The following CD47 variants were observed in gnomAD, a reference collection of about 807,000 sequenced individuals.
CD47 encodes leukocyte surface antigen CD47.
CD47 carries 11 observed loss-of-function variants against 44.6 expected under a neutral mutation model. That is an observed-to-expected ratio of 0.25 (90% CI 0.16 to 0.41). The LOEUF is 0.41. CD47 is among the 10% of genes least tolerant of loss of function. The probability of loss-of-function intolerance (pLI) is 1.00; values close to 1 mark genes in which losing one functional copy is unlikely to be tolerated. For missense variants in CD47, 306 were observed against 386.7 expected (o/e 0.79, Z 1.75); for synonymous variants, 140 against 136.3 (o/e 1.03, Z -0.19).
intron 3 of CD47, among the ~76,000 whole-genome samples, chr3:108,068,692 G>A (rs1174813838): frequency 6.6e-6 from 1 of 152,166 alleles, no homozygotes; most frequent in Non-Finnish European, 1.5e-5. Flanking sequence ...AATAACAACA[G>A]TGTCTATGCC....
chr3:108,064,304 C>G (rs893457021), intron 3 of CD47, among the ~76,000 whole-genome samples: 1 of 152,036 alleles, frequency 6.6e-6, no homozygotes, highest in African/African-American at 2.4e-5. Context: ...GTATGTTACT[C>G]CCAAAACTTC....
intron 2 of CD47, among the ~76,000 whole-genome samples, chr3:108,073,582 G>A (rs2108257094): frequency 6.6e-6 from 1 of 152,310 alleles, no homozygotes; most frequent in South Asian, 2.1e-4. Context: ...GAAACCAAAG[G>A]ATGGCCATTG....
chr3:108,050,798 A>C (rs2078813205), intron 8 of CD47, 196 bp from the exon 9 acceptor site: 1 of 507,182 alleles, frequency 2.0e-6, no homozygotes, highest in Non-Finnish European at 3.7e-6. Context: ...TTAATAGTTT[A>C]ATAATAACTG....
At chr3:108,075,134 A>G (rs1044336707) in intron 2 of CD47, among the ~76,000 whole-genome samples, 2 of 152,210 alleles carry the variant, frequency 1.3e-5, no homozygotes, top group African/African-American at 4.8e-5. Flanking sequence ...AGCCAAGGAC[A>G]TTCACATCCT....
chr3:108,059,581 C>T (rs374595933), intron 4 of CD47, 37 bp from the exon 5 acceptor site: 140 of 1,100,004 alleles, frequency 1.3e-4, no homozygotes, highest in Non-Finnish European at 1.7e-4. Flanking sequence ...TATTTTCCTA[C>T]ATACTTTTTA....
intron 1 of CD47, among the ~76,000 whole-genome samples, chr3:108,087,618 T>C (rs1010800561): frequency 6.6e-6 from 1 of 152,138 alleles, no homozygotes; most frequent in East Asian, 1.9e-4. Context: ...TTGCTTGAAA[T>C]GGAAAAAAGT....
intron 3 of CD47, among the ~76,000 whole-genome samples, chr3:108,066,781 G>A (rs2079111948): frequency 6.6e-6 from 1 of 152,184 alleles, no homozygotes; most frequent in African/African-American, 2.4e-5. Flanking sequence ...CGACATTACT[G>A]CAATGCAAGA....
At chr3:108,070,846 C>T (rs1488554221) in intron 3 of CD47, among the ~76,000 whole-genome samples, 1 of 152,012 alleles carries the variant, frequency 6.6e-6, no homozygotes, top group East Asian at 1.9e-4. Context: ...AATATTCCTA[C>T]TATTCATTCT....
intron 7 of CD47, chr3:108,055,640 T>C (rs973205302): frequency 1.0e-5 from 8 of 803,984 alleles, no homozygotes; most frequent in Middle Eastern, 2.7e-4. Flanking sequence ...ATCAATAAAA[T>C]TGCACTAAAT....
intron 6 of CD47, 116 bp from the exon 7 acceptor site, chr3:108,057,685 C>T: frequency 1.8e-6 from 1 of 559,816 alleles, no homozygotes; most frequent in Non-Finnish European, 3.2e-6. Flanking sequence ...CAAAAATTAT[C>T]CATATATGTT....
chr3:108,076,831 A>T (rs1361920212), intron 2 of CD47, among the ~76,000 whole-genome samples: 1 of 152,196 alleles, frequency 6.6e-6, no homozygotes, highest in African/African-American at 2.4e-5. Flanking sequence ...AAATTTTGTT[A>T]AGTAAGAGAG....
intron 7 of CD47, chr3:108,052,923 G>C (rs1056628040): frequency 6.6e-6 from 1 of 152,562 alleles, no homozygotes; most frequent in South Asian, 2.1e-4. Context: ...AGCTGGGGTC[G>C]TGCCACTGCA....
chr3:108,047,360 A>G (rs2078737002), intron 10 of CD47, 68 bp from the exon 11 acceptor site: 1 of 1,316,200 alleles, frequency 7.6e-7, no homozygotes, highest in Non-Finnish European at 1.1e-6. Context: ...AAAAGTTGAC[A>G]CATTAAAAAA....
At position 108,048,835 on chromosome 3, in the gene CD47, G is replaced by A. The variant is rs146583690; in HGVS notation, c.967+784C>T. ...TATAAAGCAAACTATTTACATGACC[G>A]AGGAGTGATTATAAATATCAAAGGT... On this transcript the variant is annotated intron_variant, in intron 10 of 10. Transcript: ENST00000361309. 1.3e-4 allele frequency among the ~76,000 whole-genome samples: 20 copies of A among 152,236 alleles called. No individual in the cohort carries two copies. In the East Asian group the frequency reaches 3.7e-3, roughly 28 times the overall value.
chr3:108,055,522 T>TG, intron 7 of CD47: 1 of 1,302,054 alleles, frequency 7.7e-7, no homozygotes, highest in Non-Finnish European at 1.0e-6. Flanking sequence ...TCCTGTACCT[T>TG]GTCTCTTCTT....
At chr3:108,054,554 T>C (rs902356428) in intron 7 of CD47, 16 of 152,214 alleles carry the variant, frequency 1.1e-4, no homozygotes, top group Non-Finnish European at 2.4e-4. Context: ...CATATATATA[T>C]ATTTTTTAAC....
At chr3:108,088,177 A>T (rs1161219172) in intron 1 of CD47, among the ~76,000 whole-genome samples, 1 of 152,258 alleles carries the variant, frequency 6.6e-6, no homozygotes, top group Non-Finnish European at 1.5e-5. Flanking sequence ...CTATATTAAA[A>T]GCAATGCCTA....
chr3:108,052,870 G>A (rs1316488193), intron 7 of CD47: 2 of 152,622 alleles, frequency 1.3e-5, no homozygotes, highest in East Asian at 3.8e-4. Context: ...GGAAGGCTGA[G>A]GTGGGAGGAT....
chr3:108,073,866 T>C (rs1235476408), intron 2 of CD47, among the ~76,000 whole-genome samples: 1 of 152,202 alleles, frequency 6.6e-6, no homozygotes, highest in East Asian at 1.9e-4. Context: ...AACGCAGTCC[T>C]GAGCTCAGTT....
Sources: gnomAD v4.1 joint callset for allele counts (sites outside exome capture counted in the v4.1 genomes callset) on GRCh38, gnomAD v4.1.1 for gene constraint, MANE v1.5 for transcripts, NCBI Gene and HGNC (gene_info 2026-07-23, HGNC 2026-07-21) for gene names.